The following DIS3L2 variants were observed in gnomAD, a reference collection of about 807,000 sequenced individuals.
DIS3L2 encodes DIS3-like exonuclease 2.
A neutral mutation model predicts 97.5 loss-of-function variants in DIS3L2; 34 were observed. The observed-to-expected ratio is 0.35, with a 90% CI of 0.27 to 0.46. The LOEUF (loss-of-function observed/expected upper bound fraction) is 0.46, where lower values mean the gene tolerates loss of function less well. Ranked by LOEUF, DIS3L2 falls within the 20% of genes least tolerant of loss-of-function variation. DIS3L2 has a pLI of 1.00. For synonymous variants in DIS3L2, 435 were observed against 445.2 expected (o/e 0.98, Z 0.29); for missense variants, 1,038 against 1,146.0 (o/e 0.91, Z 1.36).
At chr2:232,110,262 A>C (rs1247955141) in intron 6 of DIS3L2, among the ~76,000 whole-genome samples, 1 of 152,240 alleles carries the variant, frequency 6.6e-6, no homozygotes, top group African/African-American at 2.4e-5. Flanking sequence ...AAATTAGTTC[A>C]ATCATTGTGG....
At chr2:232,333,352 C>A (rs1415765038) in intron 16 of DIS3L2, among the ~76,000 whole-genome samples, 1 of 134,622 alleles carries the variant, frequency 7.4e-6, no homozygotes, top group Non-Finnish European at 1.6e-5. Context: ...CTTTCTTCTT[C>A]CTTCTTCCTG....
At chr2:232,115,311 A>AAG (rs2106335928) in intron 6 of DIS3L2, among the ~76,000 whole-genome samples, 1 of 152,298 alleles carries the variant, frequency 6.6e-6, no homozygotes, top group African/African-American at 2.4e-5. Context: ...TTTTAAAAAA[A>AAG]AAAGAAAAAC....
intron 9 of DIS3L2, among the ~76,000 whole-genome samples, chr2:232,206,691 G>A (rs896146429): frequency 6.6e-6 from 1 of 152,184 alleles, no homozygotes; most frequent in African/African-American, 2.4e-5. Context: ...CAGCAAGCAA[G>A]CCTTCCTGAG....
intron 8 of DIS3L2, among the ~76,000 whole-genome samples, chr2:232,144,381 A>G (rs941054737): frequency 6.6e-6 from 1 of 151,748 alleles, no homozygotes; most frequent in Non-Finnish European, 1.5e-5. Flanking sequence ...GATTTTTGTT[A>G]TTTTTTTCCT....
At chr2:232,109,101 C>A (rs1052882082) in intron 6 of DIS3L2, among the ~76,000 whole-genome samples, 2 of 152,140 alleles carry the variant, frequency 1.3e-5, no homozygotes, top group South Asian at 4.2e-4. Flanking sequence ...ATAGCCAAGG[C>A]GATCCCAAGC....
At chr2:232,048,756 C>T (rs1695316233) in intron 5 of DIS3L2, among the ~76,000 whole-genome samples, 2 of 151,538 alleles carry the variant, frequency 1.3e-5, no homozygotes, top group South Asian at 4.2e-4. Context: ...GTTGTATATG[C>T]CCGAAATATG....
chr2:232,096,037 T>C (rs1209011606), intron 6 of DIS3L2, among the ~76,000 whole-genome samples: 2 of 151,786 alleles, frequency 1.3e-5, no homozygotes, highest in African/African-American at 4.8e-5. Flanking sequence ...GATCCTTTCT[T>C]TATCCCTGAC....
chr2:232,155,091 C>T (rs1009768974), intron 8 of DIS3L2, among the ~76,000 whole-genome samples: 34 of 150,646 alleles, frequency 2.3e-4, no homozygotes, highest in African/African-American at 7.6e-4. Flanking sequence ...CACTGGCCTG[C>T]GCCCACTGTC....
chr2:232,210,248 T>C, intron 9 of DIS3L2, 78 bp from the exon 10 acceptor site: 1 of 1,146,564 alleles, frequency 8.7e-7, no homozygotes, highest in African/African-American at 1.5e-5. Context: ...AAATTCACTG[T>C]TCTTTAAAGC....
intron 6 of DIS3L2, among the ~76,000 whole-genome samples, chr2:232,130,254 A>T (rs1474026999): frequency 6.6e-6 from 1 of 152,234 alleles, no homozygotes; most frequent in Non-Finnish European, 1.5e-5. Flanking sequence ...TGTGCATAAT[A>T]AATTAACCTA....
At position 232,021,602 on chromosome 2, in the gene DIS3L2, A is replaced by T. The variant is rs532479417; in HGVS notation, c.211-2675A>T. The stretch of plus-strand genomic sequence containing the variant: ...CATGGATGTGAAGTCCCAAAAATAT[A>T]TATAGTAGTGAGGATAGAGAGGAAG... On this transcript the variant is annotated intron_variant, in intron 3 of 20. Transcript: ENST00000325385. Among the ~76,000 whole-genome samples the T allele has an allele frequency of 1.8e-3, 269 of 152,100 alleles. 1 individual carries two copies. Among genetic ancestry groups the T allele is most frequent in the Non-Finnish European group, 2.5e-3 (170 of 67,978 alleles).
At position 232,166,892 on chromosome 2, in the gene DIS3L2, G is replaced by A. The variant is rs141126972; in HGVS notation, c.1124+3260G>A. ...AAAAATTGGCTGTGCATGGTGGCAGGTGCCTATAATCCCAGCTACTTGGGA... is the reference window on the plus strand; with the variant it reads ...AAAAATTGGCTGTGCATGGTGGCAGATGCCTATAATCCCAGCTACTTGGGA... On this transcript the variant is annotated intron_variant, in intron 9 of 20. Coordinates refer to ENST00000325385, the MANE Select transcript of DIS3L2 (RefSeq NM_152383.5). Among the ~76,000 whole-genome samples, 434 of 151,906 alleles carry A rather than the reference G, an allele frequency of 2.9e-3. 1 individual carries two copies. The highest frequency in any genetic ancestry group is 4.7e-3 in the Non-Finnish European group (322 of 67,952).
intron 4 of DIS3L2, among the ~76,000 whole-genome samples, chr2:232,024,822 C>T (rs1288734797): frequency 6.6e-6 from 1 of 152,012 alleles, no homozygotes; most frequent in African/African-American, 2.4e-5. Flanking sequence ...GTACAAGGCT[C>T]TTTACCGTTG....
At chr2:232,000,537 A>G (rs1171917895) in intron 1 of DIS3L2, among the ~76,000 whole-genome samples, 1 of 151,974 alleles carries the variant, frequency 6.6e-6, no homozygotes, top group Non-Finnish European at 1.5e-5. Flanking sequence ...TGCCTGGCTT[A>G]TTTCACTTAG....
chr2:232,196,119 A>G (rs942415446), intron 9 of DIS3L2, among the ~76,000 whole-genome samples: 6 of 152,084 alleles, frequency 3.9e-5, no homozygotes, highest in East Asian at 3.9e-4. Context: ...ATTTTATACT[A>G]TTATACAGGG....
chr2:232,329,785 T>TGCCGGGGGCCCC, intron 14 of DIS3L2, 28 bp from the exon 15 acceptor site: 6 of 967,144 alleles, frequency 6.2e-6, no homozygotes, highest in Non-Finnish European at 8.7e-6. Flanking sequence ...ACCCCAGCGG[T>TGCCGGGGGCCCC]CCCTCCCATC....
At chr2:232,222,194 C>A (rs960266688) in intron 10 of DIS3L2, among the ~76,000 whole-genome samples, 1 of 152,080 alleles carries the variant, frequency 6.6e-6, no homozygotes, top group African/African-American at 2.4e-5. Flanking sequence ...CCACCCACCT[C>A]GGCTTCCCAA....
At chr2:232,198,747 G>A (rs1691820309) in intron 9 of DIS3L2, 1 of 152,218 alleles carries the variant, frequency 6.6e-6, no homozygotes, top group Admixed American at 6.5e-5. Context: ...TCTCTTGGTT[G>A]AGTTGTGCCC....
chr2:232,288,525 C>T (rs1030015697), intron 13 of DIS3L2, among the ~76,000 whole-genome samples: 1 of 152,220 alleles, frequency 6.6e-6, no homozygotes, highest in Non-Finnish European at 1.5e-5. Context: ...CCACCACCAA[C>T]CCCAGAATCT....
Sources: allele counts gnomAD v4.1 joint callset (sites outside exome capture counted in the v4.1 genomes callset), GRCh38; gene constraint gnomAD v4.1.1; transcripts MANE v1.5; gene names NCBI Gene and HGNC (gene_info 2026-07-23, HGNC 2026-07-21).